Variants in BMP2K observed in about 807,000 individuals in gnomAD.
The protein encoded by BMP2K is BMP-2-inducible protein kinase.
In BMP2K, 74 loss-of-function variants were observed where a neutral mutation model predicts 116.0. The observed-to-expected ratio is 0.64, with a 90% CI of 0.53 to 0.77. The LOEUF (loss-of-function observed/expected upper bound fraction) is 0.77. BMP2K is among the 30% of genes least tolerant of loss of function. The probability of loss-of-function intolerance (pLI) is 0.00; values close to 1 mark genes in which losing one functional copy is unlikely to be tolerated. For synonymous variants in BMP2K, 486 were observed against 502.5 expected (o/e 0.97, Z 0.44); for missense variants, 1,365 against 1,403.6 (o/e 0.97, Z 0.44).
chr4:78,840,492 G>A (rs555152475), intron 3 of BMP2K, among the ~76,000 whole-genome samples: 35 of 152,138 alleles, frequency 2.3e-4, no homozygotes, highest in African/African-American at 7.9e-4. Context: ...TAGCATTTTA[G>A]TGAGCTCTCT....
At chr4:78,776,815 T>TA in intron 1 of BMP2K, 94 bp downstream of exon 1, 1 of 1,099,760 alleles carries the variant, frequency 9.1e-7, no homozygotes, top group Non-Finnish European at 1.1e-6. Flanking sequence ...GACTGACTCT[T>TA]ATACCCCATT....
At position 78,865,540 on chromosome 4, in the gene BMP2K, A is replaced by G. The variant is rs1732002531; in HGVS notation, c.1068-17A>G. On this transcript the variant is annotated splice_polypyrimidine_tract_variant and intron_variant, in intron 9 of 15. Transcript: ENST00000502613. ...ATAATCCCAGTATTTAGAATGAAAT[A>G]TATTCTTCTGTTGTAGAATAACAGA... The G allele has an allele frequency of 1.2e-6, 2 of 1,609,242 alleles. No homozygotes were observed. Among genetic ancestry groups the G allele is most frequent in the South Asian group, 1.1e-5 (1 of 90,922 alleles).
At chr4:78,829,055 G>A (rs1277516752) in intron 2 of BMP2K, among the ~76,000 whole-genome samples, 2 of 152,198 alleles carry the variant, frequency 1.3e-5, no homozygotes, top group Admixed American at 6.5e-5. Context: ...ATGGGACACT[G>A]GGTATAAGTG....
At chr4:78,872,016 C>A in intron 12 of BMP2K, 68 bp downstream of exon 12, 1 of 1,101,802 alleles carries the variant, frequency 9.1e-7, no homozygotes, top group South Asian at 1.5e-5. Flanking sequence ...CAGTATGAAT[C>A]ATATTATTCA....
chr4:78,842,277 A>C (rs1301931606), intron 3 of BMP2K, 108 bp from the exon 4 acceptor site: 4 of 976,688 alleles, frequency 4.1e-6, no homozygotes, highest in Non-Finnish European at 5.8e-6. Context: ...GAGAATTATG[A>C]AAAAGCCAAT....
chr4:78,887,329 C>G, intron 15 of BMP2K, 45 bp downstream of exon 15: 1 of 1,338,338 alleles, frequency 7.5e-7, no homozygotes, highest in Non-Finnish European at 1.1e-6. Context: ...ATAAAACACA[C>G]AAGAACAACA....
At chr4:78,870,189 A>G (rs558562146) in intron 10 of BMP2K, among the ~76,000 whole-genome samples, 81 of 152,344 alleles carry the variant, frequency 5.3e-4, no homozygotes, top group Non-Finnish European at 9.0e-4. Flanking sequence ...TAATAGATCC[A>G]TTACAGTGAG....
At chr4:78,781,424 A>AT (rs139447702) in intron 1 of BMP2K, among the ~76,000 whole-genome samples, 4,975 of 140,282 alleles carry the variant, frequency 0.035, 101 homozygotes, top group African/African-American at 0.058. Context: ...GAAGGAACAG[A>AT]TTTTTTTTTT....
intron 6 of BMP2K, among the ~76,000 whole-genome samples, chr4:78,848,998 A>G (rs951021035): frequency 2.6e-5 from 4 of 151,482 alleles, no homozygotes; most frequent in African/African-American, 4.8e-5. Flanking sequence ...CAAGAACTGT[A>G]TCTTTCATCC....
In BMP2K at chr4:78,845,013, A is replaced by T. The variant is rs891789938; in HGVS notation, c.632A>T (p.Lys211Ile). 3.1e-6 allele frequency: 5 copies of T among 1,588,696 alleles called. No individual in the cohort carries two copies. The highest frequency in any genetic ancestry group is 4.3e-6 in the Non-Finnish European group (5 of 1,158,548). Residue 211 changes from lysine to isoleucine, a missense_variant, in exon 5 of 16, where the codon AAA becomes ATA. Lys to Ile is a moderately radical substitution (Grantham distance 102, BLOSUM62 -3). Transcript: ENST00000502613. ...SATNKFLNPQ[K>I]DGVNVVEEEI... ...ACTAATAAATTTCTTAATCCTCAAA[A>T]AGATGGAGTTAATGTAGTAGAAGAA...
intron 1 of BMP2K, among the ~76,000 whole-genome samples, chr4:78,814,571 T>C (rs566463601): frequency 2.0e-5 from 3 of 152,240 alleles, no homozygotes; most frequent in African/African-American, 7.2e-5. Flanking sequence ...TTTCCCCCTT[T>C]TGCTTAGCAC....
chr4:78,852,687 A>G (rs1731316507), intron 7 of BMP2K, among the ~76,000 whole-genome samples: 1 of 152,054 alleles, frequency 6.6e-6, no homozygotes, highest in Non-Finnish European at 1.5e-5. Flanking sequence ...ATAGCTTACT[A>G]TACAAACTCC....
chr4:78,840,817 A>G (rs943269439), intron 3 of BMP2K, among the ~76,000 whole-genome samples: 2 of 152,200 alleles, frequency 1.3e-5, no homozygotes, highest in African/African-American at 4.8e-5. Context: ...AAGTTTGTTT[A>G]AAATTTATTC....
chr4:78,837,060 T>C (rs1730520181), intron 3 of BMP2K, among the ~76,000 whole-genome samples: 1 of 152,094 alleles, frequency 6.6e-6, no homozygotes, highest in Non-Finnish European at 1.5e-5. Flanking sequence ...GCTTTCTAGA[T>C]TGATAATCCT....
At chr4:78,830,063 G>A (rs1189508908) in intron 2 of BMP2K, among the ~76,000 whole-genome samples, 1 of 151,926 alleles carries the variant, frequency 6.6e-6, no homozygotes, top group African/African-American at 2.4e-5. Flanking sequence ...TTTTAGTAGA[G>A]TCGGGGTTTC....
At chr4:78,779,528 T>C (rs931332797) in intron 1 of BMP2K, among the ~76,000 whole-genome samples, 1 of 152,210 alleles carries the variant, frequency 6.6e-6, no homozygotes, top group African/African-American at 2.4e-5. Flanking sequence ...GAAACTAGAA[T>C]GTGCACGTCA....
At chr4:78,850,088 C>T (rs1157146750) in intron 6 of BMP2K, among the ~76,000 whole-genome samples, 1 of 151,688 alleles carries the variant, frequency 6.6e-6, no homozygotes, top group Non-Finnish European at 1.5e-5. Context: ...ACCCCTTACA[C>T]TCTTAAGGCC....
At chr4:78,836,700 C>T (rs780777547) in intron 3 of BMP2K, among the ~76,000 whole-genome samples, 8 of 152,140 alleles carry the variant, frequency 5.3e-5, no homozygotes, top group Non-Finnish European at 1.0e-4. Context: ...ATTTTTGAAA[C>T]CTTGCATATA....
intron 1 of BMP2K, among the ~76,000 whole-genome samples, chr4:78,785,506 G>T (rs1229736792): frequency 6.6e-6 from 1 of 152,144 alleles, no homozygotes; most frequent in East Asian, 1.9e-4. Context: ...AAATTAAATT[G>T]TGTGACATTT....
Sources: allele counts gnomAD v4.1 joint callset (sites outside exome capture counted in the v4.1 genomes callset), GRCh38; gene constraint gnomAD v4.1.1; transcripts MANE v1.5; gene names NCBI Gene and HGNC (gene_info 2026-07-23, HGNC 2026-07-21).